Variants in VWA8 observed in about 807,000 individuals in gnomAD.
The protein encoded by VWA8 is von Willebrand factor A domain-containing protein 8.
Under a neutral mutation model 241.5 loss-of-function variants are expected in VWA8, and 221 were observed. The ratio of observed to expected loss-of-function variants is 0.91; its 90% CI spans 0.82 to 1.02. VWA8 has a LOEUF of 1.02. Among genes scored for constraint, VWA8 ranks in the 50% least tolerant of loss-of-function variants. The pLI is 0.00. For missense variants in VWA8, 2,322 were observed against 2,328.7 expected, an observed-to-expected ratio of 1.00 and a Z score of 0.06; for synonymous variants, 852 against 827.1, an observed-to-expected ratio of 1.03 and a Z score of -0.52.
chr13:41,577,389 G>T (rs182166981), intron 42 of VWA8, among the ~76,000 whole-genome samples: 119 of 152,334 alleles, frequency 7.8e-4, no homozygotes, highest in African/African-American at 2.8e-3. Flanking sequence ...AGTATAGTTT[G>T]CTATCAATAG....
rs56200214 is a variant in VWA8, at chr13:41,779,916, C to T, written c.2278-1860G>A. Among the ~76,000 whole-genome samples, 1,036 of 152,236 alleles carry T rather than the reference C, an allele frequency of 6.8e-3. 8 individuals are homozygous for T. The highest frequency in any genetic ancestry group is 0.023 in the African/African-American group (947 of 41,550). Reference sequence around the variant, plus strand: ...AAACCTTAGCTAAGGCTAAAGTCACCGCCAATACAATTCTCTTCTTAGCCT... The same window carrying T: ...AAACCTTAGCTAAGGCTAAAGTCACTGCCAATACAATTCTCTTCTTAGCCT... On this transcript the variant is annotated intron_variant, in intron 19 of 44. Transcript: ENST00000379310.
chr13:41,727,285 A>G lies in VWA8; in HGVS notation c.2667T>C (p.Asn889=), dbSNP rs898713873. 6.4e-7 allele frequency: 1 copy of G among 1,557,932 alleles called. No individual in the cohort carries two copies. The highest frequency in any genetic ancestry group is 8.7e-7 in the Non-Finnish European group (1 of 1,150,852). Reference sequence around the variant, plus strand: ...TAAAATCAGGATGAATCACTACAACATTTTCTCTTCCATTCACATTAGCAG... The same window carrying G: ...TAAAATCAGGATGAATCACTACAACGTTTTCTCTTCCATTCACATTAGCAG... ...ANSANVNGRE[N]VVVIHPDFRM... Residue 889 remains asparagine (N), a synonymous_variant, in exon 24 of 45, where the codon AAT becomes AAC. Transcript: ENST00000379310.
At position 41,719,667 on chromosome 13, in the gene VWA8, C is replaced by T. The variant is rs568741767; in HGVS notation, c.3040G>A (p.Glu1014Lys). The part of the protein sequence containing the change: ...DFDSYNNDMR[E>K]ILINTLHKYG... The stretch of plus-strand genomic sequence containing the variant: ...TTGTGTAAAGTGTTAATCAATATCT[C>T]CCTCATGTCATTGTTGTAGGAATCA... Residue 1014 changes from glutamate (E) to lysine (K), a missense_variant, in exon 26 of 45, where the codon GAG (glutamate) becomes AAG (lysine). Transcript: ENST00000379310. The T allele has an allele frequency of 1.1e-5, 18 of 1,613,172 alleles. No homozygotes were observed. In the South Asian group the frequency reaches 1.8e-4, roughly 16 times the overall value.
At chr13:41,643,433 G>C (rs921124265) in intron 37 of VWA8, among the ~76,000 whole-genome samples, 5 of 152,160 alleles carry the variant, frequency 3.3e-5, no homozygotes, top group African/African-American at 1.2e-4. Flanking sequence ...ACAATGCCTA[G>C]TGCATAGTAG....
intron 2 of VWA8, among the ~76,000 whole-genome samples, chr13:41,920,574 C>A (rs1159380136): frequency 1.3e-5 from 2 of 151,900 alleles, no homozygotes; most frequent in African/African-American, 2.4e-5. Flanking sequence ...AGAGAAGAAT[C>A]AAATAGATGA....
chr13:41,748,579 T>G (rs1384207511), intron 21 of VWA8, among the ~76,000 whole-genome samples: 2 of 152,166 alleles, frequency 1.3e-5, no homozygotes, highest in African/African-American at 4.8e-5. Flanking sequence ...TTTGAAGGGT[T>G]TTTTTGTGTC....
chr13:41,583,739 C>CA (rs1452665282), intron 42 of VWA8, among the ~76,000 whole-genome samples: 2 of 150,656 alleles, frequency 1.3e-5, no homozygotes, highest in Non-Finnish European at 2.9e-5. Context: ...TCATGAAAAG[C>CA]AAAAAAATGC....
At chr13:41,739,740 GA>G (rs1173156915) in intron 21 of VWA8, among the ~76,000 whole-genome samples, 1 of 150,962 alleles carries the variant, frequency 6.6e-6, no homozygotes, top group African/African-American at 2.4e-5. Flanking sequence ...TGCATCATAG[GA>G]AAAACAATAT....
At chr13:41,959,509 AAC>A (rs1491147413) in intron 1 of VWA8, among the ~76,000 whole-genome samples, 132 of 148,588 alleles carry the variant, frequency 8.9e-4, no homozygotes, top group African/African-American at 3.1e-3. Flanking sequence ...AAAAAAAAAA[AAC>A]AAAAAGTAAA....
chr13:41,912,980 T>C (rs991856912), intron 2 of VWA8, among the ~76,000 whole-genome samples: 1 of 152,124 alleles, frequency 6.6e-6, no homozygotes, highest in African/African-American at 2.4e-5. Context: ...GAGACATGTA[T>C]AATACTCAGA....
chr13:41,856,903 C>G (rs1305940827), intron 12 of VWA8, among the ~76,000 whole-genome samples: 20 of 150,430 alleles, frequency 1.3e-4, no homozygotes, highest in Non-Finnish European at 1.0e-4. Flanking sequence ...TCTCCCAATT[C>G]AATCTATTGT....
intron 42 of VWA8, among the ~76,000 whole-genome samples, chr13:41,583,207 T>A (rs2044394729): frequency 6.6e-6 from 1 of 152,070 alleles, no homozygotes; most frequent in African/African-American, 2.4e-5. Flanking sequence ...GGTACTTAAA[T>A]CTCAGACACA....
At chr13:41,596,230 T>C (rs1389769587) in intron 40 of VWA8, among the ~76,000 whole-genome samples, 1 of 152,120 alleles carries the variant, frequency 6.6e-6, no homozygotes, top group Non-Finnish European at 1.5e-5. Context: ...TTTTCAAGTA[T>C]GTAACTTGCA....
chr13:41,779,882 C>G lies in VWA8; in HGVS notation c.2278-1826G>C, dbSNP rs971350164. ...CCTCATTATATCTAACTAGATTATT[C>G]AAGTCAACAAACCTTAGCTAAGGCT... On this transcript the variant is annotated intron_variant, in intron 19 of 44. Coordinates refer to ENST00000379310, the MANE Select transcript of VWA8 (RefSeq NM_015058.2). Among the ~76,000 whole-genome samples the G allele has an allele frequency of 1.1e-4, 16 of 152,142 alleles. No homozygotes were observed. In the East Asian group the frequency reaches 2.5e-3, roughly 24 times the overall value.
intron 12 of VWA8, among the ~76,000 whole-genome samples, chr13:41,846,914 AG>A (rs1384933760): frequency 2.6e-5 from 4 of 152,122 alleles, no homozygotes; most frequent in Non-Finnish European, 4.4e-5. Flanking sequence ...CTGTAATCCC[AG>A]CTACTCGGGA....
intron 24 of VWA8, among the ~76,000 whole-genome samples, chr13:41,726,127 A>AT (rs550531427): frequency 1.1e-4 from 16 of 150,202 alleles, no homozygotes; most frequent in South Asian, 2.1e-4. Context: ...TTGAGTATTG[A>AT]TTTTTTTTTT....
intron 42 of VWA8, among the ~76,000 whole-genome samples, chr13:41,586,401 C>T (rs1397957414): frequency 6.6e-6 from 1 of 152,144 alleles, no homozygotes; most frequent in African/African-American, 2.4e-5. Context: ...AAGCTACTCC[C>T]CACGGTGAAA....
chr13:41,797,743 T>C (rs1278550243), intron 17 of VWA8, among the ~76,000 whole-genome samples: 1 of 152,182 alleles, frequency 6.6e-6, no homozygotes, highest in Non-Finnish European at 1.5e-5. Flanking sequence ...CCCTTTTGGT[T>C]AGTATTTGCC....
rs920402505 is a variant in VWA8 at position 41,732,070 on chromosome 13, G to C, written c.2502+10C>G. On this transcript the variant is annotated intron_variant, in intron 22 of 44. Coordinates refer to ENST00000379310, the MANE Select transcript of VWA8 (RefSeq NM_015058.2). Reference sequence around the variant, plus strand: ...ACACTTGAAAATATTTCTATGATTAGGTTACTAACCAAAGGTGAGTCTTCA... The same window carrying C: ...ACACTTGAAAATATTTCTATGATTACGTTACTAACCAAAGGTGAGTCTTCA... The C allele has an allele frequency of 6.2e-7, 1 of 1,607,660 alleles. No homozygotes were observed. Among genetic ancestry groups the C allele is most frequent in the Non-Finnish European group, 8.5e-7 (1 of 1,175,698 alleles).
Sources: allele counts gnomAD v4.1 joint callset (sites outside exome capture counted in the v4.1 genomes callset), GRCh38; gene constraint gnomAD v4.1.1; transcripts MANE v1.5; gene names NCBI Gene and HGNC (gene_info 2026-07-23, HGNC 2026-07-21).